SYCP1: variants seen among roughly 807,000 people sequenced by gnomAD.
SYCP1 encodes cancer/testis antigen 8.
SYCP1 carries 64 observed loss-of-function variants against 153.1 expected under a neutral mutation model. That is an observed-to-expected ratio of 0.42 (90% CI 0.34 to 0.51). SYCP1 has a LOEUF of 0.51. Among genes scored for constraint, SYCP1 ranks in the 20% least tolerant of loss-of-function variants. The pLI is 0.06. For synonymous variants in SYCP1, 384 were observed against 341.8 expected (o/e 1.12, Z -1.36); for missense variants, 997 against 1,049.0 (o/e 0.95, Z 0.68).
chr1:114,906,179 C>T (rs1157300377), intron 16 of SYCP1, among the ~76,000 whole-genome samples: 3 of 151,972 alleles, frequency 2.0e-5, no homozygotes, highest in African/African-American at 7.3e-5. Flanking sequence ...ATTGGCCAGG[C>T]TGGTCTCGAA....
chr1:114,877,611 T>A (rs932894290), intron 11 of SYCP1, among the ~76,000 whole-genome samples: 1 of 152,206 alleles, frequency 6.6e-6, no homozygotes. Context: ...GGGCAGAGCT[T>A]ACAGATTGTT....
In SYCP1 at chr1:114,950,463, T is replaced by C. The variant is rs139505397; in HGVS notation, c.2322+3143T>C. 1.0e-3 allele frequency among the ~76,000 whole-genome samples: 158 copies of C among 152,214 alleles called. 2 individuals carry two copies. Among genetic ancestry groups the C allele is most frequent in the African/African-American group, 3.7e-3 (153 of 41,544 alleles). ...ATGTTTATATTTTATAAAATATTAATACAGAAAAATACAAAAAGGGTAAAA... is the reference window on the plus strand; with the variant it reads ...ATGTTTATATTTTATAAAATATTAACACAGAAAAATACAAAAAGGGTAAAA... On this transcript the variant is annotated intron_variant, in intron 27 of 31. Coordinates refer to ENST00000369522, the MANE Select transcript of SYCP1 (RefSeq NM_003176.4).
At position 114,944,402 on chromosome 1, in the gene SYCP1, T is replaced by C. The variant is rs1384019022; in HGVS notation, c.1990T>C (p.Tyr664His). Residue 664 changes from tyrosine to histidine, a missense_variant, in exon 24 of 32, where the codon TAT becomes CAT. Around this residue, in one of 2 missense-constraint regions of SYCP1, gnomAD observed 712 missense variants for 682.9 expected, o/e 1.04. Transcript: ENST00000369522. ...GAAATTTGGAGAAATCACAGACACC[T>C]ATCAGAAAGAAATTGAGGACAAAAA... ...KQKFGEITDT[Y>H]QKEIEDKKIS... 1.9e-6 allele frequency: 3 copies of C among 1,605,578 alleles called. No individual in the cohort carries two copies. Among genetic ancestry groups the C allele is most frequent in the African/African-American group, 2.7e-5 (2 of 74,568 alleles).
intron 27 of SYCP1, among the ~76,000 whole-genome samples, chr1:114,954,141 G>A (rs1406953348): frequency 6.6e-6 from 1 of 152,082 alleles, no homozygotes; most frequent in Non-Finnish European, 1.5e-5. Flanking sequence ...ATATACGTAC[G>A]TGTACGTTAT....
rs1672254340 is a variant in SYCP1 at position 114,968,134 on chromosome 1, G to T, written c.2323-9423G>T. 2.6e-5 allele frequency among the ~76,000 whole-genome samples: 4 copies of T among 152,114 alleles called. No homozygotes were observed. In the South Asian group the frequency reaches 8.3e-4, roughly 32 times the overall value. On this transcript the variant is annotated intron_variant, in intron 27 of 31. Transcript: ENST00000369522. ...GATTTTTTCCTTCATTTCAACCTTG[G>T]TGAATCTGACAATTATGTGTCTTGG...
intron 9 of SYCP1, among the ~76,000 whole-genome samples, chr1:114,875,174 ATG>A (rs60673306): frequency 0.29 from 39,702 of 139,268 alleles, 6,334 homozygotes; most frequent in African/African-American, 0.48. Context: ...TGTATTTGAT[ATG>A]TGTGTGTGTG....
chr1:114,886,070 T>G, intron 13 of SYCP1, 55 bp from the exon 14 acceptor site: 1 of 1,253,270 alleles, frequency 8.0e-7, no homozygotes, highest in East Asian at 2.5e-5. Flanking sequence ...AAGTTCAGCT[T>G]TTTTGGTTAA....
intron 8 of SYCP1, among the ~76,000 whole-genome samples, chr1:114,864,276 T>C (rs1664579190): frequency 6.6e-6 from 1 of 152,020 alleles, no homozygotes; most frequent in Admixed American, 6.5e-5. Context: ...TTAAGTGACA[T>C]TGGGTAGAGA....
chr1:114,932,866 C>T (rs746689617), intron 23 of SYCP1, among the ~76,000 whole-genome samples: 4 of 152,200 alleles, frequency 2.6e-5, no homozygotes, highest in Non-Finnish European at 4.4e-5. Flanking sequence ...GGGCATCTGC[C>T]ATTGTTGAGG....
In SYCP1 at chr1:114,984,786, C is replaced by T. The variant is rs750408781; in HGVS notation, c.2621C>T (p.Pro874Leu). The change falls in exon 30 of 32, where the codon CCC becomes CTC. Residue 874 changes from proline (P) to leucine (L), a missense_variant. Physicochemically the swap from Pro to Leu is moderately conservative, Grantham distance 98 (BLOSUM62 -3). Coordinates refer to ENST00000369522, the MANE Select transcript of SYCP1 (RefSeq NM_003176.4). ...CAGCAAAGAGAAAACTTGAATATAC[C>T]CATTGAAGAAAGTAAAAAAAAGAGA... is the stretch of plus-strand genomic sequence containing the variant. ...KLQQRENLNI[P>L]IEESKKKRKM... The T allele has an allele frequency of 4.0e-6, 6 of 1,512,892 alleles. No individual in the cohort carries two copies. The highest frequency in any genetic ancestry group is 5.3e-6 in the Non-Finnish European group (6 of 1,130,954). The allele number at this position is 1,512,892 out of a possible 1,614,324, so 93.7% of individuals were successfully genotyped here. A position where few individuals can be genotyped will look rare whatever the true frequency, so the allele number is the denominator to read the frequency against.
chr1:114,920,785 A>G (rs1668815624), intron 20 of SYCP1, among the ~76,000 whole-genome samples: 1 of 152,162 alleles, frequency 6.6e-6, no homozygotes, highest in Admixed American at 6.6e-5. Flanking sequence ...GTCTGGCATA[A>G]GTATAGCTAT....
intron 27 of SYCP1, among the ~76,000 whole-genome samples, chr1:114,964,050 T>A (rs1459172016): frequency 2.0e-5 from 3 of 152,240 alleles, no homozygotes; most frequent in Non-Finnish European, 4.4e-5. Flanking sequence ...TTCCTGACTT[T>A]TTAATGATTG....
chr1:114,913,861 G>C, intron 19 of SYCP1, 114 bp from the exon 20 acceptor site: 1 of 710,414 alleles, frequency 1.4e-6, no homozygotes, highest in Non-Finnish European at 2.2e-6. Context: ...CCATTTTTTT[G>C]CTTTATATAT....
chr1:114,859,863 A>G (rs778628300), intron 7 of SYCP1, 53 bp downstream of exon 7: 44 of 542,920 alleles, frequency 8.1e-5, no homozygotes, highest in Non-Finnish European at 1.2e-4. Flanking sequence ...TTCCAAATTT[A>G]CTACTAAAAT....
chr1:114,857,136 C>CAAGAAAAAAAAA (rs1553183140), intron 3 of SYCP1, 96 bp from the exon 4 acceptor site: 86 of 245,162 alleles, frequency 3.5e-4, no homozygotes, highest in Non-Finnish European at 4.9e-4. Flanking sequence ...CTCTCTCTCT[C>CAAGAAAAAAAAA]AAAAAAAAAA....
Position 114,858,629 on chromosome 1 carries a change from C to G in SYCP1, c.374C>G (p.Ala125Gly). The G allele has an allele frequency of 1.2e-6, 2 of 1,612,820 alleles. No homozygotes were observed. Among genetic ancestry groups the G allele is most frequent in the Non-Finnish European group, 1.7e-6 (2 of 1,179,278 alleles). The change falls in exon 6 of 32, where the codon GCT becomes GGT. Residue 125 changes from alanine to glycine, a missense_variant. This residue lies in a region of SYCP1 where 285 missense variants were observed against 366.1 expected (regional missense o/e 0.78). Coordinates refer to ENST00000369522, the MANE Select transcript of SYCP1 (RefSeq NM_003176.4). ...KIKKWKVSTE[A>G]ELRQKESKLQ... ...AAAAAATGGAAAGTAAGTACAGAAG[C>G]TGAACTGAGACAGAAAGAAAGTAAG...
intron 23 of SYCP1, among the ~76,000 whole-genome samples, chr1:114,928,777 GT>G (rs1419990613): frequency 6.6e-6 from 1 of 152,158 alleles, no homozygotes; most frequent in Non-Finnish European, 1.5e-5. Flanking sequence ...CTTAAATAGA[GT>G]TTGGTAAGTT....
Position 114,994,930 on chromosome 1 carries a change from A to C in SYCP1, c.2842A>C (p.Ile948Leu). 4 of 1,609,614 alleles carry C rather than the reference A, an allele frequency of 2.5e-6. No individual in the cohort carries two copies. The highest frequency in any genetic ancestry group is 3.4e-6 in the Non-Finnish European group (4 of 1,177,414). Residue 948 changes from isoleucine (I) to leucine (L), a missense_variant, in exon 32 of 32, where the codon ATA becomes CTA. Ile to Leu is a conservative substitution (Grantham distance 5). Transcript: ENST00000369522. ...TGGATCTACACTGAAGTTTGGAGCT[A>C]TAAGAAAAATGCGGGAGGACCGTTG... The part of the protein sequence containing the change: ...TPGSTLKFGA[I>L]RKMREDRWAV...
intron 29 of SYCP1, among the ~76,000 whole-genome samples, chr1:114,981,754 G>A (rs575001646): frequency 6.6e-6 from 1 of 152,082 alleles, no homozygotes; most frequent in South Asian, 2.1e-4. Flanking sequence ...GGGATTATAG[G>A]TGTAAGCCAC....
Sources: allele counts gnomAD v4.1 joint callset (sites outside exome capture counted in the v4.1 genomes callset), GRCh38; gene constraint gnomAD v4.1.1; regional missense constraint gnomAD v4.1.1; transcripts MANE v1.5; gene names NCBI Gene and HGNC (gene_info 2026-07-23, HGNC 2026-07-21).